The following FAM20B variants were observed in gnomAD, a reference collection of about 807,000 sequenced individuals.
FAM20B encodes FAM20B glycosaminoglycan xylosylkinase.
A neutral mutation model predicts 43.8 loss-of-function variants in FAM20B; 23 were observed. The observed-to-expected ratio is 0.53, with a 90% CI of 0.38 to 0.74. The LOEUF is 0.74. Ranked by LOEUF, FAM20B falls within the 30% of genes least tolerant of loss-of-function variation. The pLI is 0.00. For missense variants in FAM20B, 440 were observed against 510.5 expected (o/e 0.86, Z 1.33); for synonymous variants, 178 against 192.4 (o/e 0.93, Z 0.62).
chr1:179,068,580 C>T (rs868750978), intron 7 of FAM20B, among the ~76,000 whole-genome samples: 2 of 152,002 alleles, frequency 1.3e-5, no homozygotes, highest in Admixed American at 6.6e-5. Context: ...GGATTACAGG[C>T]GCCCCTCACT....
intron 7 of FAM20B, among the ~76,000 whole-genome samples, chr1:179,071,521 C>T (rs1018127572): frequency 1.4e-4 from 22 of 152,152 alleles, no homozygotes; most frequent in African/African-American, 5.1e-4. Flanking sequence ...CTTCCCCCCA[C>T]CCAGCATCAT....
intron 1 of FAM20B, among the ~76,000 whole-genome samples, chr1:179,029,197 G>A (rs1649909909): frequency 6.6e-6 from 1 of 152,234 alleles, no homozygotes; most frequent in South Asian, 2.1e-4. Context: ...TTTTGACGGT[G>A]GAAGAGGGGA....
At chr1:179,050,764 C>G (rs2102506233) in intron 3 of FAM20B, among the ~76,000 whole-genome samples, 1 of 152,300 alleles carries the variant, frequency 6.6e-6, no homozygotes, top group Non-Finnish European at 1.5e-5. Context: ...AAACATATAG[C>G]ATGAAATATG....
intron 2 of FAM20B, among the ~76,000 whole-genome samples, chr1:179,046,707 A>G (rs193273009): frequency 2.7e-5 from 4 of 149,282 alleles, no homozygotes; most frequent in Admixed American, 2.0e-4. Context: ...TTGTGTTTAA[A>G]TAAGAGGAGA....
chr1:179,040,351 C>T (rs970986128), intron 1 of FAM20B, among the ~76,000 whole-genome samples: 6 of 151,386 alleles, frequency 4.0e-5, no homozygotes, highest in African/African-American at 1.2e-4. Flanking sequence ...GGTGGCCGGC[C>T]GGGCGGGGGG....
chr1:179,065,187 G>A (rs903894667), intron 6 of FAM20B, among the ~76,000 whole-genome samples: 1 of 150,688 alleles, frequency 6.6e-6, no homozygotes, highest in Non-Finnish European at 1.5e-5. Context: ...GTTTTGCTCT[G>A]TTGCCCAGGC....
At chr1:179,017,334 A>G in the FAM20B span, among the ~76,000 whole-genome samples, 1 of 152,316 alleles carries the variant, frequency 6.6e-6, no homozygotes, top group East Asian at 1.9e-4. Flanking sequence ...GGGCAGCCTC[A>G]GCTCCTGTTG....
intron 1 of FAM20B, among the ~76,000 whole-genome samples, chr1:179,027,330 C>T (rs1368073992): frequency 4.6e-5 from 7 of 152,288 alleles, no homozygotes; most frequent in Non-Finnish European, 8.8e-5. Context: ...TACAAACATT[C>T]CTTGAGTTTA....
intron 1 of FAM20B, among the ~76,000 whole-genome samples, chr1:179,028,160 A>G (rs1041201046): frequency 1.6e-4 from 25 of 152,238 alleles, no homozygotes; most frequent in Non-Finnish European, 3.1e-4. Context: ...GTAAAACCCT[A>G]AAGCCAGATA....
intron 2 of FAM20B, among the ~76,000 whole-genome samples, chr1:179,044,765 A>T (rs554774936): frequency 6.6e-6 from 1 of 152,364 alleles, no homozygotes; most frequent in South Asian, 2.1e-4. Flanking sequence ...ATAAACATCC[A>T]TGTGCAGGTT....
intron 7 of FAM20B, among the ~76,000 whole-genome samples, chr1:179,068,233 T>TA (rs932685252): frequency 6.6e-6 from 1 of 152,212 alleles, no homozygotes; most frequent in African/African-American, 2.4e-5. Flanking sequence ...TTTCTTTTTT[T>TA]AAATGACAAC....
Position 179,028,877 on chromosome 1 carries a change from T to C in FAM20B, c.-134+2779T>C, listed in dbSNP as rs182099844. ...ATATTCTAATGTATATACTAAATTA[T>C]TTAGTTCCTCTTTTTGTCAAAAGAA... is the stretch of plus-strand genomic sequence containing the variant. On this transcript the variant is annotated intron_variant, in intron 1 of 7. Transcript: ENST00000263733. Among the ~76,000 whole-genome samples the C allele has an allele frequency of 3.3e-3, 508 of 152,362 alleles. 2 individuals are homozygous for C. The highest frequency in any genetic ancestry group is 5.9e-3 in the Non-Finnish European group (403 of 68,042).
chr1:179,027,327 A>G (rs1026735928), intron 1 of FAM20B, among the ~76,000 whole-genome samples: 3 of 152,208 alleles, frequency 2.0e-5, no homozygotes, highest in African/African-American at 4.8e-5. Flanking sequence ...TATTACAAAC[A>G]TTCCTTGAGT....
At chr1:179,055,955 A>G (rs1011196178) in intron 4 of FAM20B, among the ~76,000 whole-genome samples, 11 of 152,198 alleles carry the variant, frequency 7.2e-5, no homozygotes, top group Non-Finnish European at 1.6e-4. Context: ...CCTTGTTGTT[A>G]TTGTTGTGTT....
In FAM20B at chr1:179,075,069, G is replaced by A. The variant is rs1462006602; in HGVS notation, c.*2925G>A. On this transcript the variant is annotated 3_prime_UTR_variant, in exon 8 of 8. Coordinates refer to ENST00000263733, the MANE Select transcript of FAM20B (RefSeq NM_014864.4). ...TAACAGGGCACGGTGGCATGCGCCT[G>A]TAGTCCCAGCTACTCGGGAGGCTGA... is the stretch of plus-strand genomic sequence containing the variant. The A allele has an allele frequency of 4.6e-5, 7 of 152,084 alleles. No homozygotes were observed. The highest frequency in any genetic ancestry group is 1.7e-4 in the African/African-American group (7 of 41,418). 9.4% of individuals were successfully genotyped at this position (152,084 alleles called of 1,614,324 possible). A position where few individuals can be genotyped will look rare whatever the true frequency, so the allele number is the denominator to read the frequency against.
chr1:179,022,972 G>A (rs1292490086), upstream of FAM20B, among the ~76,000 whole-genome samples: 1 of 152,214 alleles, frequency 6.6e-6, no homozygotes, highest in East Asian at 1.9e-4. Flanking sequence ...TTTCCTGGAG[G>A]AAGAATCAAT....
Position 179,075,166 on chromosome 1 carries a change from T to C in FAM20B, c.*3022T>C, listed in dbSNP as rs1215207790. ...GAGATTGTGCTGCTGCACTCCAGCC[T>C]GGGAGACAGAGCGAGACTCTGTCTT... On this transcript the variant is annotated 3_prime_UTR_variant, in exon 8 of 8. Coordinates refer to ENST00000263733, the MANE Select transcript of FAM20B (RefSeq NM_014864.4). The C allele has an allele frequency of 6.6e-6, 1 of 151,412 alleles. No homozygotes were observed. The highest frequency in any genetic ancestry group is 1.5e-5 in the Non-Finnish European group (1 of 67,940). The allele number at this position is 151,412 out of a possible 1,614,324, so 9.4% of individuals were successfully genotyped here. A position where few individuals can be genotyped will look rare whatever the true frequency, so the allele number is the denominator to read the frequency against.
In FAM20B at chr1:179,044,177, C is replaced by T. The variant is rs927353830; in HGVS notation, c.330C>T (p.Ala110=). 2.5e-6 allele frequency: 4 copies of T among 1,612,762 alleles called. No homozygotes were observed. The African/African-American group carries it at 5.3e-5, about 22-fold the overall frequency. Reference sequence around the variant, plus strand: ...GTTATAAAGGGACACAGCTGAAAGCCTTACTGATACTTGAAGGAGGCCAGA... The same window carrying T: ...GTTATAAAGGGACACAGCTGAAAGCTTTACTGATACTTGAAGGAGGCCAGA... ...DVGYKGTQLK[A]LLILEGGQKV... Residue 110 remains alanine (A), a synonymous_variant, in exon 2 of 8, where the codon GCC becomes GCT. Transcript: ENST00000263733.
chr1:179,071,105 T>C lies in FAM20B; in HGVS notation c.999-808T>C, dbSNP rs1370957625. ...GTCAGGAGATCAAGACCATCCTGGC[T>C]AACACGGTGAAAACCCGTCTCTACT... On this transcript the variant is annotated intron_variant, in intron 7 of 7. Coordinates refer to ENST00000263733, the MANE Select transcript of FAM20B (RefSeq NM_014864.4). Among the ~76,000 whole-genome samples the C allele has an allele frequency of 2.6e-5, 4 of 151,774 alleles. No homozygotes were observed. The East Asian group carries it at 7.9e-4, about 30-fold the overall frequency.
Sources: gnomAD v4.1 joint callset for allele counts (sites outside exome capture counted in the v4.1 genomes callset) on GRCh38, gnomAD v4.1.1 for gene constraint, MANE v1.5 for transcripts, NCBI Gene and HGNC (gene_info 2026-07-23, HGNC 2026-07-21) for gene names.